The following NCALD variants were observed in gnomAD, a reference collection of about 807,000 sequenced individuals.
The protein encoded by NCALD is neurocalcin delta, also known as neurocalcin-delta.
In NCALD, 10 loss-of-function variants were observed where a neutral mutation model predicts 18.6. The ratio of observed to expected loss-of-function variants is 0.54; its 90% confidence interval spans 0.33 to 0.91. The LOEUF (loss-of-function observed/expected upper bound fraction) is 0.91. Among genes scored for constraint, NCALD ranks in the 40% least tolerant of loss-of-function variants. The probability of loss-of-function intolerance (pLI) is 0.03; values close to 1 mark genes in which losing one functional copy is unlikely to be tolerated. For synonymous variants in NCALD, 88 were observed against 87.4 expected (o/e 1.01, Z -0.04); for missense variants, 184 against 247.6 (o/e 0.74, Z 1.72).
intron 1 of NCALD, among the ~76,000 whole-genome samples, chr8:102,094,943 A>G (rs1825040900): frequency 6.6e-6 from 1 of 152,218 alleles, no homozygotes; most frequent in East Asian, 1.9e-4. Context: ...TGGAGGGAAC[A>G]GGGCCCAGCT....
At chr8:101,894,932 G>A (rs570650096) in intron 3 of NCALD, among the ~76,000 whole-genome samples, 1 of 150,890 alleles carries the variant, frequency 6.6e-6, no homozygotes, top group Admixed American at 6.6e-5. Context: ...TCTACCAGAG[G>A]TACAAGGAGG....
rs547008371 is a variant in NCALD, at chr8:101,763,219, G to A, written c.-20+27643C>T. Among the ~76,000 whole-genome samples, 129 of 152,278 alleles carry A rather than the reference G, an allele frequency of 8.5e-4. 1 individual carries two copies. The highest frequency in any genetic ancestry group is 3.4e-3 in the Middle Eastern group (1 of 294). Reference sequence around the variant, plus strand: ...TAGAGTAAAGGAGACCAGGAATACCGGTGGCAGCAATTCAAATATGGTGTT... The same window carrying A: ...TAGAGTAAAGGAGACCAGGAATACCAGTGGCAGCAATTCAAATATGGTGTT... On this transcript the variant is annotated intron_variant, in intron 1 of 3. Transcript: ENST00000220931.
chr8:101,910,361 T>C (rs904723446), intron 3 of NCALD, among the ~76,000 whole-genome samples: 2 of 152,046 alleles, frequency 1.3e-5, no homozygotes, highest in African/African-American at 2.4e-5. Flanking sequence ...CAGGTGGGCA[T>C]TGAGTGCTGA....
intron 4 of NCALD, among the ~76,000 whole-genome samples, chr8:101,870,336 T>G (rs1330638582): frequency 2.6e-5 from 4 of 152,246 alleles, no homozygotes; most frequent in African/African-American, 9.6e-5. Flanking sequence ...TCCCATAGTT[T>G]CTGTCTTATC....
intron 3 of NCALD, among the ~76,000 whole-genome samples, chr8:101,910,606 T>C (rs1817761823): frequency 6.6e-6 from 1 of 152,142 alleles, no homozygotes; most frequent in Non-Finnish European, 1.5e-5. Flanking sequence ...GAAAGACAGA[T>C]ATAATGTACA....
At chr8:101,941,414 T>C (rs1818951413) in intron 2 of NCALD, among the ~76,000 whole-genome samples, 1 of 152,258 alleles carries the variant, frequency 6.6e-6, no homozygotes, top group Admixed American at 6.5e-5. Context: ...CTGGTTCACC[T>C]GCTGCTCACC....
rs951418227 is a variant in NCALD, at chr8:101,857,555, C to T, written c.-20+29586G>A. Among the ~76,000 whole-genome samples the T allele has an allele frequency of 1.5e-4, 23 of 152,230 alleles. 1 individual carries two copies. Among genetic ancestry groups the T allele is most frequent in the African/African-American group, 5.3e-4 (22 of 41,548 alleles). On this transcript the variant is annotated intron_variant, in intron 4 of 6. Coordinates refer to the NCALD transcript ENST00000311028. Reference sequence around the variant, plus strand: ...CCTGCTAGCACACCTCCAGACAGCACCTTTGATTTGCTCTGCTATTTCCAG... The same window carrying T: ...CCTGCTAGCACACCTCCAGACAGCATCTTTGATTTGCTCTGCTATTTCCAG...
chr8:101,886,903 A>G (rs1586694421), intron 4 of NCALD, among the ~76,000 whole-genome samples: 1 of 151,946 alleles, frequency 6.6e-6, no homozygotes, highest in African/African-American at 2.4e-5. Flanking sequence ...TTAATCAGTC[A>G]CCAGAAAAGA....
chr8:102,120,127 G>A (rs1825902603), intron 1 of NCALD, among the ~76,000 whole-genome samples: 1 of 152,180 alleles, frequency 6.6e-6, no homozygotes, highest in Non-Finnish European at 1.5e-5. Context: ...GTGACCTTGA[G>A]CAAATTATTG....
At chr8:102,103,211 C>T (rs187273823) in intron 1 of NCALD, among the ~76,000 whole-genome samples, 4 of 147,494 alleles carry the variant, frequency 2.7e-5, no homozygotes, top group African/African-American at 1.0e-4. Context: ...TACTTGCCAA[C>T]GATTGCCACC....
intron 1 of NCALD, among the ~76,000 whole-genome samples, chr8:101,730,512 G>A (rs533326065): frequency 7.8e-6 from 1 of 128,242 alleles, no homozygotes; most frequent in African/African-American, 3.3e-5. Context: ...AAAGAATACT[G>A]TGGAAATTCC....
At chr8:101,981,117 A>C (rs1040098686) in intron 2 of NCALD, among the ~76,000 whole-genome samples, 1 of 152,214 alleles carries the variant, frequency 6.6e-6, no homozygotes, top group Admixed American at 6.5e-5. Context: ...CTGCAATCAG[A>C]TTAGCTCCTT....
chr8:101,771,682 A>G (rs1811590506), intron 1 of NCALD, among the ~76,000 whole-genome samples: 1 of 152,216 alleles, frequency 6.6e-6, no homozygotes, highest in Non-Finnish European at 1.5e-5. Context: ...TGAAATGGGC[A>G]AGGTTATTAT....
At chr8:102,069,036 T>C (rs75582050) in intron 1 of NCALD, among the ~76,000 whole-genome samples, 9,255 of 151,698 alleles carry the variant, frequency 0.061, 415 homozygotes, top group Non-Finnish European at 0.092. Flanking sequence ...GTGAGGGGAG[T>C]GGAGGATGGG....
intron 3 of NCALD, among the ~76,000 whole-genome samples, chr8:101,893,351 C>T (rs1339544393): frequency 2.0e-5 from 3 of 151,130 alleles, no homozygotes; most frequent in East Asian, 1.9e-4. Context: ...CCTAAAAGAG[C>T]TCCTGAAGGA....
At chr8:101,839,961 C>T (rs1814573635) in intron 4 of NCALD, among the ~76,000 whole-genome samples, 1 of 151,990 alleles carries the variant, frequency 6.6e-6, no homozygotes, top group African/African-American at 2.4e-5. Flanking sequence ...AATTGTGTCA[C>T]CCCAGGCAGT....
At chr8:101,839,148 A>T (rs1814534804) in intron 4 of NCALD, among the ~76,000 whole-genome samples, 1 of 152,226 alleles carries the variant, frequency 6.6e-6, no homozygotes, top group South Asian at 2.1e-4. Context: ...AAGAGTTCAC[A>T]GTCTGCACTG....
intron 1 of NCALD, among the ~76,000 whole-genome samples, chr8:102,031,268 G>A (rs1011146099): frequency 1.3e-5 from 2 of 152,160 alleles, no homozygotes; most frequent in African/African-American, 4.8e-5. Flanking sequence ...ACAGATAAAC[G>A]ATAAGGAAAA....
intron 2 of NCALD, among the ~76,000 whole-genome samples, chr8:102,004,359 A>T (rs1356284449): frequency 6.6e-6 from 1 of 152,124 alleles, no homozygotes; most frequent in Non-Finnish European, 1.5e-5. Flanking sequence ...ACTACAAACC[A>T]CTGCTCAAGG....
Sources: gnomAD v4.1 joint callset for allele counts (sites outside exome capture counted in the v4.1 genomes callset) on GRCh38, gnomAD v4.1.1 for gene constraint, MANE v1.5 for transcripts, NCBI Gene and HGNC (gene_info 2026-07-23, HGNC 2026-07-21) for gene names.